Variants in KCNH7 observed in about 807,000 individuals in gnomAD.
KCNH7 encodes voltage-gated inwardly rectifying potassium channel KCNH7.
KCNH7 carries 49 observed loss-of-function variants against 120.8 expected under a neutral mutation model. The observed-to-expected ratio is 0.41, with a 90% CI of 0.32 to 0.51. The LOEUF (loss-of-function observed/expected upper bound fraction) is 0.51, where lower values mean the gene tolerates loss of function less well. Among genes scored for constraint, KCNH7 ranks in the 20% least tolerant of loss-of-function variants. The probability of loss-of-function intolerance (pLI) is 0.38; values close to 1 mark genes in which losing one functional copy is unlikely to be tolerated. For synonymous variants in KCNH7, 547 were observed against 516.1 expected, an observed-to-expected ratio of 1.06 and a Z score of -0.81; for missense variants, 1,097 against 1,446.6, an observed-to-expected ratio of 0.76 and a Z score of 3.92.
chr2:162,622,956 A>C (rs1008570563), intron 2 of KCNH7, among the ~76,000 whole-genome samples: 4 of 152,156 alleles, frequency 2.6e-5, no homozygotes, highest in Admixed American at 2.6e-4. Context: ...AATATTTCAT[A>C]TTTCTATTCT....
At chr2:162,493,575 T>G (rs1243154688) in intron 6 of KCNH7, among the ~76,000 whole-genome samples, 1 of 152,214 alleles carries the variant, frequency 6.6e-6, no homozygotes, top group Non-Finnish European at 1.5e-5. Flanking sequence ...CTTTACAATT[T>G]GGTAAGGCCT....
rs115598826 is a variant in KCNH7 at position 162,380,020 on chromosome 2, A to G, written c.2964T>C (p.Asp988=). The G allele has an allele frequency of 7.5e-4, 1,206 of 1,613,828 alleles. 11 individuals are homozygous for G. In the African/African-American group the frequency reaches 0.014, roughly 19 times the overall value. Reference sequence around the variant, plus strand: ...GTTCCCAGCTTCGCATGTCAGTGATATCTGTGGAAAATAGCAAGATGGATG... The same window carrying G: ...GTTCCCAGCTTCGCATGTCAGTGATGTCTGTGGAAAATAGCAAGATGGATG... ...HIDKRSHSCK[D]ITDMRSWERE... Residue 988 remains aspartate (D), a splice_region_variant and synonymous_variant, in exon 14 of 16, where the codon GAT becomes GAC. Coordinates refer to ENST00000332142, the MANE Select transcript of KCNH7 (RefSeq NM_033272.4).
At chr2:162,467,955 A>G (rs1689362141) in intron 6 of KCNH7, among the ~76,000 whole-genome samples, 1 of 152,162 alleles carries the variant, frequency 6.6e-6, no homozygotes, top group Non-Finnish European at 1.5e-5. Flanking sequence ...AAAGGCTCTT[A>G]CCCTCATGAT....
chr2:162,454,739 G>C (rs1315884091), intron 6 of KCNH7, among the ~76,000 whole-genome samples: 2 of 151,988 alleles, frequency 1.3e-5, no homozygotes, highest in African/African-American at 4.8e-5. Flanking sequence ...CCCTCTGCTT[G>C]TGTATTGTTG....
chr2:162,594,379 G>A (rs1694306930), intron 2 of KCNH7, among the ~76,000 whole-genome samples: 1 of 151,772 alleles, frequency 6.6e-6, no homozygotes, highest in Admixed American at 6.6e-5. Flanking sequence ...TTGAGTTGAG[G>A]GCAAGGAAAA....
chr2:162,512,721 A>G (rs781333084), intron 4 of KCNH7, 47 bp from the exon 5 acceptor site: 3 of 1,467,816 alleles, frequency 2.0e-6, no homozygotes, highest in Non-Finnish European at 2.8e-6. Context: ...TAAAAAGAAG[A>G]CTAAAATTAT....
At chr2:162,570,432 A>G (rs1350051760) in intron 2 of KCNH7, among the ~76,000 whole-genome samples, 4 of 151,790 alleles carry the variant, frequency 2.6e-5, no homozygotes, top group African/African-American at 7.3e-5. Flanking sequence ...GTCTCTGCAC[A>G]TGAGATGGGT....
intron 2 of KCNH7, among the ~76,000 whole-genome samples, chr2:162,538,488 CA>C (rs1314279374): frequency 6.6e-6 from 1 of 151,956 alleles, no homozygotes; most frequent in Non-Finnish European, 1.5e-5. Flanking sequence ...GAAATGTGAG[CA>C]AGTGCCAGGA....
chr2:162,836,948 T>C (rs1367538332), intron 1 of KCNH7, among the ~76,000 whole-genome samples, 181 bp from the exon 2 acceptor site: 1 of 152,162 alleles, frequency 6.6e-6, no homozygotes, highest in Non-Finnish European at 1.5e-5. Context: ...AATGTGAGAT[T>C]AATGATCCTA....
intron 2 of KCNH7, among the ~76,000 whole-genome samples, chr2:162,640,686 G>A (rs1241598657): frequency 6.6e-6 from 1 of 151,986 alleles, no homozygotes; most frequent in Non-Finnish European, 1.5e-5. Context: ...TACGTGGAAG[G>A]AAAAATTGAC....
chr2:162,687,137 G>T (rs1427934044), intron 2 of KCNH7, among the ~76,000 whole-genome samples: 1 of 152,004 alleles, frequency 6.6e-6, no homozygotes, highest in African/African-American at 2.4e-5. Context: ...CATTGATTTT[G>T]CTTGGTCAGC....
intron 2 of KCNH7, among the ~76,000 whole-genome samples, chr2:162,649,941 AT>A (rs1450647075): frequency 1.3e-5 from 2 of 152,206 alleles, no homozygotes; most frequent in Non-Finnish European, 2.9e-5. Context: ...TTCCTAATAT[AT>A]TGGGCCATTA....
chr2:162,583,585 T>A (rs2105920718), intron 2 of KCNH7, among the ~76,000 whole-genome samples: 1 of 152,232 alleles, frequency 6.6e-6, no homozygotes, highest in East Asian at 1.9e-4. Flanking sequence ...AGTGCTGACC[T>A]ATAATAATTT....
At chr2:162,449,277 CT>C (rs1179082512) in intron 6 of KCNH7, among the ~76,000 whole-genome samples, 2 of 151,734 alleles carry the variant, frequency 1.3e-5, no homozygotes, top group African/African-American at 4.8e-5. Flanking sequence ...TATACAGGCT[CT>C]TTTTTTAAAA....
chr2:162,682,859 T>C (rs1685760770), intron 2 of KCNH7, among the ~76,000 whole-genome samples: 1 of 151,816 alleles, frequency 6.6e-6, no homozygotes, highest in Non-Finnish European at 1.5e-5. Flanking sequence ...CATAATTTCC[T>C]AAATGTTGGT....
intron 11 of KCNH7, among the ~76,000 whole-genome samples, chr2:162,396,462 C>T (rs988128981): frequency 1.3e-5 from 2 of 151,754 alleles, no homozygotes; most frequent in African/African-American, 4.8e-5. Context: ...ACACTATAAA[C>T]AAAGGCTATT....
At chr2:162,476,103 C>G (rs1689732927) in intron 6 of KCNH7, among the ~76,000 whole-genome samples, 1 of 152,196 alleles carries the variant, frequency 6.6e-6, no homozygotes, top group Non-Finnish European at 1.5e-5. Context: ...ATTTAGAACT[C>G]ATATGAAGCC....
intron 2 of KCNH7, among the ~76,000 whole-genome samples, chr2:162,798,315 A>G (rs1180874384): frequency 2.0e-5 from 3 of 152,074 alleles, no homozygotes; most frequent in Admixed American, 2.0e-4. Context: ...AGAATTACAG[A>G]GCTAATACTT....
Position 162,756,871 on chromosome 2 carries a change from C to G in KCNH7, c.307+79666G>C, listed in dbSNP as rs1354314719. 9.9e-5 allele frequency among the ~76,000 whole-genome samples: 15 copies of G among 152,070 alleles called. 1 individual carries two copies. On this transcript the variant is annotated intron_variant, in intron 2 of 15. Transcript: ENST00000332142. ...AAGTGAGATTCGCTTTTAGATGACACAAATTCAAAAACAAACATCAATGAA... is the reference window on the plus strand; with the variant it reads ...AAGTGAGATTCGCTTTTAGATGACAGAAATTCAAAAACAAACATCAATGAA...
Sources: gnomAD v4.1 joint callset for allele counts (sites outside exome capture counted in the v4.1 genomes callset) on GRCh38, gnomAD v4.1.1 for gene constraint, MANE v1.5 for transcripts, NCBI Gene and HGNC (gene_info 2026-07-23, HGNC 2026-07-21) for gene names.